CELF4: variants seen among roughly 807,000 people sequenced by gnomAD.
CELF4 encodes CUGBP Elav-like family member 4.
Under a neutral mutation model 59.9 loss-of-function variants are expected in CELF4, and 18 were observed. The ratio of observed to expected loss-of-function variants is 0.30; its 90% CI spans 0.21 to 0.45. CELF4 has a LOEUF of 0.45. Ranked by LOEUF, CELF4 falls within the 20% of genes least tolerant of loss-of-function variation. The pLI is 1.00. For synonymous variants in CELF4, 261 were observed against 267.1 expected (o/e 0.98, Z 0.22); for missense variants, 456 against 689.0 (o/e 0.66, Z 3.79).
intron 2 of CELF4, among the ~76,000 whole-genome samples, chr18:37,325,420 T>C (rs2097273437): frequency 6.6e-6 from 1 of 152,160 alleles, no homozygotes; most frequent in Non-Finnish European, 1.5e-5. Context: ...CCATTTTCCA[T>C]GGTAAATTAA....
chr18:37,438,890 A>T (rs957500783), intron 2 of CELF4, among the ~76,000 whole-genome samples: 4 of 151,970 alleles, frequency 2.6e-5, no homozygotes, highest in African/African-American at 9.7e-5. Context: ...AATTGAAAGG[A>T]TTAGGTTAGG....
intron 2 of CELF4, among the ~76,000 whole-genome samples, chr18:37,474,437 G>A (rs1482576898): frequency 6.6e-6 from 1 of 152,224 alleles, no homozygotes; most frequent in African/African-American, 2.4e-5. Context: ...GAAGAACCTG[G>A]TGTGTGGCCT....
At chr18:37,500,556 CAG>C (rs2099930536) in intron 1 of CELF4, among the ~76,000 whole-genome samples, 2 of 138,844 alleles carry the variant, frequency 1.4e-5, no homozygotes, top group Non-Finnish European at 1.5e-5. Flanking sequence ...TTTTTTGAGA[CAG>C]AGTCTCACTT....
At chr18:37,385,385 A>G (rs1163476604) in intron 2 of CELF4, among the ~76,000 whole-genome samples, 2 of 151,566 alleles carry the variant, frequency 1.3e-5, no homozygotes, top group African/African-American at 4.8e-5. Context: ...AAGAAAGAAA[A>G]GAAAGAAAAT....
chr18:37,447,025 G>A (rs1235827547), intron 2 of CELF4, among the ~76,000 whole-genome samples: 1 of 152,158 alleles, frequency 6.6e-6, no homozygotes, highest in African/African-American at 2.4e-5. Context: ...CTATCCAGCA[G>A]TGTGTGATCA....
intron 1 of CELF4, among the ~76,000 whole-genome samples, chr18:37,515,359 G>A (rs1392696290): frequency 6.6e-6 from 1 of 152,076 alleles, no homozygotes; most frequent in Non-Finnish European, 1.5e-5. Flanking sequence ...GTCTGACCCC[G>A]AGCTTCTCCC....
At chr18:37,270,450 T>A (rs1331789560) in intron 8 of CELF4, among the ~76,000 whole-genome samples, 1 of 152,234 alleles carries the variant, frequency 6.6e-6, no homozygotes, top group African/African-American at 2.4e-5. Context: ...CACACTCAAT[T>A]ATTTTGCACT....
rs142298626 is a variant in CELF4 at position 37,357,727 on chromosome 18, G to C, written c.370-35846C>G. Among the ~76,000 whole-genome samples the C allele has an allele frequency of 3.9e-3, 596 of 152,344 alleles. 2 individuals carry two copies. Among genetic ancestry groups the C allele is most frequent in the Non-Finnish European group, 5.6e-3 (384 of 68,024 alleles). On this transcript the variant is annotated intron_variant, in intron 2 of 12. Coordinates refer to ENST00000420428, the MANE Select transcript of CELF4 (RefSeq NM_020180.4). ...TGGAAGGGAGGCTGTACCCTGCAAAGCCACAGGGGTGGAGCTGCCCAAGAC... is the reference window on the plus strand; with the variant it reads ...TGGAAGGGAGGCTGTACCCTGCAAACCCACAGGGGTGGAGCTGCCCAAGAC...
intron 2 of CELF4, among the ~76,000 whole-genome samples, chr18:37,415,385 A>G (rs2154592828): frequency 6.6e-6 from 1 of 152,330 alleles, no homozygotes; most frequent in South Asian, 2.1e-4. Context: ...ACATCATGAC[A>G]CCCAGGAGAA....
chr18:37,426,998 G>A (rs1235717548), intron 2 of CELF4, among the ~76,000 whole-genome samples: 1 of 144,190 alleles, frequency 6.9e-6, no homozygotes, highest in Non-Finnish European at 1.5e-5. Context: ...CAAGGGGGCT[G>A]AGGCTCAGAC....
intron 1 of CELF4, among the ~76,000 whole-genome samples, chr18:37,549,481 CT>C (rs1030938069): frequency 2.6e-5 from 4 of 152,218 alleles, no homozygotes; most frequent in South Asian, 2.1e-4. Context: ...ACCTTTGCCC[CT>C]GATCCCTGAT....
chr18:37,247,100 A>G (rs1682669690), intron 12 of CELF4: 1 of 152,198 alleles, frequency 6.6e-6, no homozygotes, highest in African/African-American at 2.4e-5. Context: ...ACGAAACTTG[A>G]CGGCAATTGT....
intron 12 of CELF4, among the ~76,000 whole-genome samples, chr18:37,248,684 C>T (rs541115833): frequency 1.3e-4 from 20 of 152,318 alleles, no homozygotes; most frequent in Middle Eastern, 3.4e-3. Context: ...AATGAGTTCT[C>T]TTCGCTATCA....
Position 37,275,140 on chromosome 18 carries a change from C to A in CELF4, c.552G>T (p.Leu184=). 1 of 1,613,424 alleles carries A rather than the reference C, an allele frequency of 6.2e-7. No individual in the cohort carries two copies. The highest frequency in any genetic ancestry group is 8.5e-7 in the Non-Finnish European group (1 of 1,179,870). ...CCTTGCTGTTGCCGTCGGGCCCGCGCAGGATGGTGCACTCCTCGATGTTCC... is the reference window on the plus strand; with the variant it reads ...CCTTGCTGTTGCCGTCGGGCCCGCGAAGGATGGTGCACTCCTCGATGTTCC... ...AFGNIEECTI[L]RGPDGNSKGC... Residue 184 remains leucine, a synonymous_variant, in exon 4 of 13, where the codon CTG becomes CTT. Coordinates refer to ENST00000420428, the MANE Select transcript of CELF4 (RefSeq NM_020180.4).
intron 1 of CELF4, among the ~76,000 whole-genome samples, chr18:37,564,917 A>G (rs1297815177): frequency 1.3e-5 from 2 of 151,822 alleles, no homozygotes; most frequent in East Asian, 3.9e-4. Context: ...GGATGAGGAG[A>G]CCACCTCCTT....
At chr18:37,363,927 G>A (rs1328195057) in intron 2 of CELF4, among the ~76,000 whole-genome samples, 5 of 152,138 alleles carry the variant, frequency 3.3e-5, no homozygotes, top group South Asian at 2.1e-4. Context: ...GCAGTGAGGC[G>A]GCTAGTGGTG....
intron 3 of CELF4, among the ~76,000 whole-genome samples, chr18:37,281,641 G>A (rs2094152394): frequency 6.6e-6 from 1 of 152,186 alleles, no homozygotes; most frequent in South Asian, 2.1e-4. Context: ...GAAAATGCCA[G>A]ATATTCATGA....
At chr18:37,352,895 G>A (rs1203715781) in intron 2 of CELF4, among the ~76,000 whole-genome samples, 2 of 152,110 alleles carry the variant, frequency 1.3e-5, no homozygotes, top group Non-Finnish European at 2.9e-5. Flanking sequence ...CCTTGCCATT[G>A]GTGCCCGAAT....
At position 37,270,650 on chromosome 18, in the gene CELF4, G is replaced by A. The variant is rs1488086085; in HGVS notation, c.1099+118C>T. On this transcript the variant is annotated intron_variant, in intron 8 of 12. Coordinates refer to ENST00000420428, the MANE Select transcript of CELF4 (RefSeq NM_020180.4). ...CTGGCCCTCTCTGATCACACTTGGGGTTTCATCAAGGAATGGACAGAGGGC... is the reference window on the plus strand; with the variant it reads ...CTGGCCCTCTCTGATCACACTTGGGATTTCATCAAGGAATGGACAGAGGGC... The A allele has an allele frequency of 3.2e-6, 4 of 1,258,110 alleles. No homozygotes were observed. The East Asian group carries it at 9.6e-5, about 30-fold the overall frequency. The allele number at this position is 1,258,110 out of a possible 1,614,324, so 77.9% of individuals were successfully genotyped here. A position where few individuals can be genotyped will look rare whatever the true frequency, so the allele number is the denominator to read the frequency against.
Sources: gnomAD v4.1 joint callset for allele counts (sites outside exome capture counted in the v4.1 genomes callset) on GRCh38, gnomAD v4.1.1 for gene constraint, MANE v1.5 for transcripts, NCBI Gene and HGNC (gene_info 2026-07-23, HGNC 2026-07-21) for gene names.